EEA1: variants seen among roughly 807,000 people sequenced by gnomAD.
EEA1 encodes early endosome antigen 1.
A neutral mutation model predicts 209.2 loss-of-function variants in EEA1; 111 were observed. That is an observed-to-expected ratio of 0.53 (90% CI 0.45 to 0.62). The LOEUF is 0.62. Among genes scored for constraint, EEA1 ranks in the 20% least tolerant of loss-of-function variants. The pLI is 0.00. For missense variants in EEA1, 1,343 were observed against 1,530.8 expected, an observed-to-expected ratio of 0.88 and a Z score of 2.05; for synonymous variants, 536 against 540.6, an observed-to-expected ratio of 0.99 and a Z score of 0.12.
intron 1 of EEA1, among the ~76,000 whole-genome samples, chr12:92,923,678 C>T (rs540677872): frequency 3.9e-4 from 59 of 152,136 alleles, no homozygotes; most frequent in Admixed American, 1.3e-3. Context: ...GTATCTATTA[C>T]ACTTATCACA....
In EEA1 at chr12:92,816,396, G is replaced by C. The variant is rs148222178; in HGVS notation, c.1733C>G (p.Thr578Ser). The C allele has an allele frequency of 3.1e-6, 5 of 1,613,364 alleles. No homozygotes were observed. The African/African-American group carries it at 6.7e-5, about 22-fold the overall frequency. The change falls in exon 15 of 29, where the codon ACT (threonine) becomes AGT (serine). Residue 578 changes from threonine to serine, a missense_variant. Transcript: ENST00000322349. The part of the protein sequence containing the change: ...EKNHTLQEQV[T>S]QLTEKLKNQS... ...ATTCTTCAGCTTCTCTGTTAGTTGAGTTACCTGTTATACAAGTAAGACTAA... is the reference window on the plus strand; with the variant it reads ...ATTCTTCAGCTTCTCTGTTAGTTGACTTACCTGTTATACAAGTAAGACTAA...
intron 25 of EEA1, among the ~76,000 whole-genome samples, chr12:92,778,908 T>C (rs1041561310): frequency 1.3e-5 from 2 of 152,110 alleles, no homozygotes; most frequent in Non-Finnish European, 2.9e-5. Flanking sequence ...CATTTCAATG[T>C]TCACTTATAA....
At chr12:92,875,870 G>A (rs1312948887) in intron 2 of EEA1, among the ~76,000 whole-genome samples, 3 of 152,054 alleles carry the variant, frequency 2.0e-5, no homozygotes, top group Non-Finnish European at 2.9e-5. Context: ...GAGACCTGCT[G>A]TTCCACAGAC....
In EEA1 at chr12:92,771,995, C is replaced by A. The variant is rs1873448478; in HGVS notation, c.*4016G>T. ...TATATTAGATGTTTGAGGATATGCA[C>A]ATTAAACTCTTTGGAGGGTTTAGAA... On this transcript the variant is annotated 3_prime_UTR_variant, in exon 29 of 29. Transcript: ENST00000322349. 1 of 151,796 alleles carries A rather than the reference C, an allele frequency of 6.6e-6. No homozygotes were observed. The highest frequency in any genetic ancestry group is 6.6e-5 in the Admixed American group (1 of 15,208). 9.4% of individuals were successfully genotyped at this position (151,796 alleles called of 1,614,324 possible).
chr12:92,837,220 G>T (rs76719237), intron 10 of EEA1, among the ~76,000 whole-genome samples: 1 of 151,580 alleles, frequency 6.6e-6, no homozygotes, highest in African/African-American at 2.4e-5. Context: ...TTTATGTAAT[G>T]TTCCTATTAA....
At chr12:92,793,906 G>T (rs542030647) in intron 21 of EEA1, among the ~76,000 whole-genome samples, 2 of 152,094 alleles carry the variant, frequency 1.3e-5, no homozygotes, top group Admixed American at 6.6e-5. Flanking sequence ...AAGAGCTTCC[G>T]CACGGCAAAA....
At chr12:92,855,665 A>G (rs981882658) in intron 5 of EEA1, among the ~76,000 whole-genome samples, 2 of 152,158 alleles carry the variant, frequency 1.3e-5, no homozygotes, top group Non-Finnish European at 2.9e-5. Flanking sequence ...ATTTCCTAGT[A>G]TATCTGACTT....
intron 22 of EEA1, among the ~76,000 whole-genome samples, chr12:92,783,627 G>A (rs186023898): frequency 1.9e-3 from 287 of 152,240 alleles, no homozygotes; most frequent in African/African-American, 6.3e-3. Context: ...TAAAGCCCAA[G>A]TATTTTGAGA....
chr12:92,839,838 G>A (rs1277577138), intron 10 of EEA1, among the ~76,000 whole-genome samples: 1 of 152,152 alleles, frequency 6.6e-6, no homozygotes, highest in Non-Finnish European at 1.5e-5. Flanking sequence ...AAATTACCCT[G>A]AAACTTCATG....
At chr12:92,880,661 G>A (rs151021408) in intron 2 of EEA1, among the ~76,000 whole-genome samples, 1 of 152,064 alleles carries the variant, frequency 6.6e-6, no homozygotes, top group Non-Finnish European at 1.5e-5. Flanking sequence ...ATTTTTAGTA[G>A]AGACGGGGTT....
Position 92,829,792 on chromosome 12 carries a change from AAAAAC to A in EEA1, c.1255-1736_1255-1732del, listed in dbSNP as rs1321493454. On this transcript the variant is annotated intron_variant, in intron 11 of 28. Coordinates refer to ENST00000322349, the MANE Select transcript of EEA1 (RefSeq NM_003566.4). Reference sequence around the variant, plus strand: ...AAACTCTGTCTTAAAAAAAAAAAAAAAAAACAAAAAACAAGCCAAATGCCAGGCAG... The same window carrying A: ...AAACTCTGTCTTAAAAAAAAAAAAAAAAAAAACAAGCCAAATGCCAGGCAG... Among the ~76,000 whole-genome samples the A allele has an allele frequency of 8.5e-4, 118 of 138,552 alleles. 1 individual carries two copies. Among genetic ancestry groups the A allele is most frequent in the African/African-American group, 2.8e-3 (108 of 38,822 alleles). 90.9% of individuals were successfully genotyped at this position (138,552 alleles called of 152,430 possible). A position where few individuals can be genotyped will look rare whatever the true frequency, so the allele number is the denominator to read the frequency against.
At chr12:92,780,881 C>T (rs1873875712) in intron 23 of EEA1, among the ~76,000 whole-genome samples, 1 of 152,108 alleles carries the variant, frequency 6.6e-6, no homozygotes, top group African/African-American at 2.4e-5. Flanking sequence ...TGATCTAAAG[C>T]TCACACAACT....
intron 17 of EEA1, 116 bp downstream of exon 17, chr12:92,811,163 A>T: frequency 1.4e-6 from 1 of 712,086 alleles, no homozygotes. Flanking sequence ...TAAAAATTTT[A>T]TACCACAACT....
chr12:92,868,835 A>G (rs1878510436), intron 2 of EEA1, among the ~76,000 whole-genome samples: 1 of 152,190 alleles, frequency 6.6e-6, no homozygotes, highest in Non-Finnish European at 1.5e-5. Context: ...CAAGACATAA[A>G]TATTTATCAC....
intron 10 of EEA1, among the ~76,000 whole-genome samples, chr12:92,833,203 C>A (rs1876742047): frequency 6.6e-6 from 1 of 152,074 alleles, no homozygotes. Flanking sequence ...TTTTGAGTAA[C>A]AATATACTAT....
intron 1 of EEA1, among the ~76,000 whole-genome samples, chr12:92,892,946 C>T (rs1175817892): frequency 6.6e-6 from 1 of 152,152 alleles, no homozygotes; most frequent in Non-Finnish European, 1.5e-5. Context: ...AGTCTCTTTT[C>T]TACACAAACT....
chr12:92,810,662 T>A (rs1033817517), intron 17 of EEA1, among the ~76,000 whole-genome samples: 24 of 152,154 alleles, frequency 1.6e-4, no homozygotes, highest in African/African-American at 4.6e-4. Flanking sequence ...AAAATTTTTT[T>A]TTTTTTTATT....
chr12:92,801,811 T>C (rs980854444), intron 19 of EEA1, 110 bp from the exon 20 acceptor site: 4 of 615,204 alleles, frequency 6.5e-6, no homozygotes, highest in African/African-American at 5.7e-5. Flanking sequence ...AAAATTATGA[T>C]GAGCTAAGAT....
At chr12:92,796,530 T>G (rs972767099) in intron 21 of EEA1, among the ~76,000 whole-genome samples, 3 of 152,004 alleles carry the variant, frequency 2.0e-5, no homozygotes, top group Non-Finnish European at 4.4e-5. Flanking sequence ...TATATATCTA[T>G]AGATATCTAC....
Sources: allele counts gnomAD v4.1 joint callset (sites outside exome capture counted in the v4.1 genomes callset), GRCh38; gene constraint gnomAD v4.1.1; transcripts MANE v1.5; gene names NCBI Gene and HGNC (gene_info 2026-07-23, HGNC 2026-07-21).